The following AGBL4 variants were observed in gnomAD, a reference collection of about 807,000 sequenced individuals.
AGBL4 encodes the protein cytosolic carboxypeptidase 6.
A neutral mutation model predicts 66.4 loss-of-function variants in AGBL4; 58 were observed. That is an observed-to-expected ratio of 0.87 (90% CI 0.71 to 1.09). The LOEUF is 1.09. Ranked by LOEUF, AGBL4 falls within the 50% of genes least tolerant of loss-of-function variation. The pLI is 0.00. For synonymous variants in AGBL4, 234 were observed against 222.9 expected, an observed-to-expected ratio of 1.05 and a Z score of -0.44; for missense variants, 579 against 631.0, an observed-to-expected ratio of 0.92 and a Z score of 0.88.
chr1:49,672,921 CAAAAAAAAAAAAA>C (rs60612868), intron 3 of AGBL4, among the ~76,000 whole-genome samples: 2 of 47,084 alleles, frequency 4.2e-5, no homozygotes, highest in African/African-American at 1.2e-4. Flanking sequence ...AACTCCATCT[CAAAAAAAAAAAAA>C]AAAAAAAGAA....
At chr1:49,934,992 G>GTCCT (rs1653795293) in intron 1 of AGBL4, among the ~76,000 whole-genome samples, 2 of 152,214 alleles carry the variant, frequency 1.3e-5, no homozygotes, top group South Asian at 4.1e-4. Context: ...CAGGACAGTG[G>GTCCT]GTGCAGCGCA....
chr1:49,716,511 G>A (rs575725941), intron 2 of AGBL4, among the ~76,000 whole-genome samples: 1 of 151,920 alleles, frequency 6.6e-6, no homozygotes, highest in East Asian at 1.9e-4. Flanking sequence ...TAGCTTGATG[G>A]AGATAACCAG....
At chr1:48,804,198 A>G (rs1194386867) in intron 6 of AGBL4, among the ~76,000 whole-genome samples, 2 of 152,138 alleles carry the variant, frequency 1.3e-5, no homozygotes, top group African/African-American at 2.4e-5. Flanking sequence ...CATTCCTGCA[A>G]ATTTTCCTGC....
chr1:48,903,748 G>A (rs1479389830), intron 5 of AGBL4, among the ~76,000 whole-genome samples: 1 of 152,172 alleles, frequency 6.6e-6, no homozygotes, highest in Non-Finnish European at 1.5e-5. Flanking sequence ...TATAGTCACT[G>A]GCCTCAGGTA....
chr1:49,405,746 CA>C (rs763977418), intron 3 of AGBL4, among the ~76,000 whole-genome samples: 2 of 152,136 alleles, frequency 1.3e-5, no homozygotes, highest in Non-Finnish European at 2.9e-5. Context: ...ACGTTTTTAT[CA>C]GGGCAACCTC....
At chr1:48,749,242 T>TC (rs765158178) in intron 6 of AGBL4, among the ~76,000 whole-genome samples, 1 of 152,156 alleles carries the variant, frequency 6.6e-6, no homozygotes, top group Non-Finnish European at 1.5e-5. Context: ...TCTCTTTTTT[T>TC]CTCTCTGTAG....
At chr1:49,301,774 C>T (rs187818575) in intron 3 of AGBL4, among the ~76,000 whole-genome samples, 119 of 152,206 alleles carry the variant, frequency 7.8e-4, no homozygotes, top group African/African-American at 2.7e-3. Context: ...GACCAATTGA[C>T]GCTACCCAGA....
chr1:48,862,032 C>G (rs1036256159), intron 6 of AGBL4, among the ~76,000 whole-genome samples: 2 of 152,178 alleles, frequency 1.3e-5, no homozygotes, highest in African/African-American at 4.8e-5. Context: ...GCAAATTTAT[C>G]TAACTATGTG....
At chr1:48,784,947 T>C (rs973979778) in intron 6 of AGBL4, among the ~76,000 whole-genome samples, 1 of 152,232 alleles carries the variant, frequency 6.6e-6, no homozygotes, top group African/African-American at 2.4e-5. Flanking sequence ...AATGAAAAGA[T>C]TGACCTACCT....
chr1:49,285,830 GA>G (rs1271700194), intron 3 of AGBL4, among the ~76,000 whole-genome samples: 7 of 152,094 alleles, frequency 4.6e-5, no homozygotes, highest in Admixed American at 1.3e-4. Flanking sequence ...CCAATCAATA[GA>G]AAAAGAGGGA....
chr1:49,078,620 C>T (rs1254360859), intron 4 of AGBL4, among the ~76,000 whole-genome samples: 2 of 152,160 alleles, frequency 1.3e-5, no homozygotes, highest in African/African-American at 4.8e-5. Flanking sequence ...CTAGCTCTCC[C>T]CTAGACCACT....
chr1:49,836,815 T>C (rs1645863087), intron 2 of AGBL4, among the ~76,000 whole-genome samples: 1 of 152,202 alleles, frequency 6.6e-6, no homozygotes, highest in Non-Finnish European at 1.5e-5. Flanking sequence ...TTTGTTAGTT[T>C]TCCTTTTAAC....
At chr1:49,323,260 T>C (rs1431701247) in intron 3 of AGBL4, among the ~76,000 whole-genome samples, 5 of 152,050 alleles carry the variant, frequency 3.3e-5, no homozygotes, top group Non-Finnish European at 7.4e-5. Context: ...TACCTACACT[T>C]TGCCACACAG....
chr1:49,046,306 T>G (rs1287635787), intron 4 of AGBL4, among the ~76,000 whole-genome samples: 1 of 152,198 alleles, frequency 6.6e-6, no homozygotes, highest in Non-Finnish European at 1.5e-5. Flanking sequence ...GAAGTCAAGT[T>G]TTTTAAATTA....
At chr1:49,896,758 G>A (rs1166030656) in intron 1 of AGBL4, among the ~76,000 whole-genome samples, 2 of 151,494 alleles carry the variant, frequency 1.3e-5, no homozygotes, top group Non-Finnish European at 3.0e-5. Context: ...CATTCCTCAT[G>A]CATGACCAAG....
chr1:49,752,666 G>T (rs527275155), intron 2 of AGBL4, among the ~76,000 whole-genome samples: 3 of 152,274 alleles, frequency 2.0e-5, no homozygotes, highest in Admixed American at 2.0e-4. Context: ...TGACAGTGGG[G>T]TGTTAAAGTC....
intron 5 of AGBL4, among the ~76,000 whole-genome samples, chr1:49,042,038 C>A (rs560835429): frequency 6.6e-6 from 1 of 152,110 alleles, no homozygotes; most frequent in East Asian, 1.9e-4. Context: ...TTAAAAAACT[C>A]ATTCTATCCT....
At chr1:48,719,316 A>T (rs10888617) in intron 6 of AGBL4, among the ~76,000 whole-genome samples, 1 of 151,952 alleles carries the variant, frequency 6.6e-6, no homozygotes, top group Non-Finnish European at 1.5e-5. Context: ...CCCCATCTGC[A>T]CCATTGCATT....
chr1:49,523,523 T>C (rs1287939651), intron 3 of AGBL4, among the ~76,000 whole-genome samples: 3 of 152,046 alleles, frequency 2.0e-5, no homozygotes, highest in Admixed American at 6.6e-5. Flanking sequence ...AAAAAACTGG[T>C]ATTTGTTTGA....
Sources: allele counts gnomAD v4.1 joint callset (sites outside exome capture counted in the v4.1 genomes callset), GRCh38; gene constraint gnomAD v4.1.1; transcripts MANE v1.5; gene names NCBI Gene and HGNC (gene_info 2026-07-23, HGNC 2026-07-21).